The following UNC13B variants were observed in gnomAD, a reference collection of about 807,000 sequenced individuals.
UNC13B encodes the protein unc-13 homolog B.
Under a neutral mutation model 211.0 loss-of-function variants are expected in UNC13B, and 144 were observed. That is an observed-to-expected ratio of 0.68 (90% CI 0.60 to 0.78). UNC13B has a LOEUF of 0.78. Ranked by LOEUF, UNC13B falls within the 30% of genes least tolerant of loss-of-function variation. The pLI, the probability that UNC13B is intolerant of heterozygous loss-of-function variation, is 0.00. For synonymous variants in UNC13B, 709 were observed against 725.8 expected (o/e 0.98, Z 0.37); for missense variants, 1,777 against 2,002.0 (o/e 0.89, Z 2.14).
At chr9:35,391,560 T>A (rs1160893098) in intron 26 of UNC13B, among the ~76,000 whole-genome samples, 1 of 152,096 alleles carries the variant, frequency 6.6e-6, no homozygotes, top group African/African-American at 2.4e-5. Flanking sequence ...CTGTGTTACA[T>A]TTGAGCCAGC....
chr9:35,335,759 G>A (rs974859928), intron 11 of UNC13B, among the ~76,000 whole-genome samples: 6 of 150,880 alleles, frequency 4.0e-5, no homozygotes, highest in African/African-American at 1.2e-4. Context: ...GCACAATCAC[G>A]GCTCACTGTA....
chr9:35,384,314 G>A lies in UNC13B; in HGVS notation c.10875G>A (p.Arg3625=), dbSNP rs1282131403. Residue 3625 remains arginine (R), a splice_region_variant and synonymous_variant, in exon 22 of 40, where the codon AGG becomes AGA. Transcript: ENST00000635942. ...TGAGGATCGACCTCTCTACATACAG[G>A]GTGAGTGAAGACACGGCTGTGGGCA... is the stretch of plus-strand genomic sequence containing the variant. ...NSLRIDLSTY[R]NNFPAGSPER... is the part of the protein sequence containing the mutation. The A allele has an allele frequency of 1.2e-6, 2 of 1,613,456 alleles. No homozygotes were observed. The highest frequency in any genetic ancestry group is 3.3e-5 in the Admixed American group (2 of 60,000).
intron 1 of UNC13B, among the ~76,000 whole-genome samples, chr9:35,227,498 T>C (rs545054341): frequency 6.6e-5 from 10 of 152,322 alleles, no homozygotes; most frequent in African/African-American, 2.4e-4. Flanking sequence ...TTCTTTCCTG[T>C]GTAGTTCTCT....
chr9:35,212,299 G>T (rs111366413), intron 1 of UNC13B, among the ~76,000 whole-genome samples: 1 of 152,158 alleles, frequency 6.6e-6, no homozygotes, highest in East Asian at 1.9e-4. Context: ...TAGGCCAGGC[G>T]CACTGGCTCA....
chr9:35,257,610 A>AAAAAAAAAAT, intron 6 of UNC13B, among the ~76,000 whole-genome samples: 1 of 140,514 alleles, frequency 7.1e-6, no homozygotes, highest in African/African-American at 2.5e-5. Flanking sequence ...AAAAAAAAAA[A>AAAAAAAAAAT]GATGTTTTGA....
In UNC13B at chr9:35,375,183, T is replaced by C. The variant is rs530782194; in HGVS notation, c.9597T>C (p.Ser3199=). ...CTTCTGCAATGGCTACACGCACTTC[T>C]CTTAAGGACGAAGAGCTGGTAAGTG... ...GITSAMATRT[S]LKDEELKSHV... is the part of the protein sequence containing the mutation. Residue 3199 remains serine (S), a synonymous_variant, in exon 14 of 40, where the codon TCT becomes TCC. Coordinates refer to ENST00000635942, the MANE Select transcript of UNC13B (RefSeq NM_001371189.2). The C allele has an allele frequency of 3.2e-4, 524 of 1,614,158 alleles. 12 individuals are homozygous for C. The South Asian group carries it at 5.5e-3, about 17-fold the overall frequency.
At chr9:35,245,298 G>A (rs916010175) in intron 6 of UNC13B, among the ~76,000 whole-genome samples, 1 of 150,648 alleles carries the variant, frequency 6.6e-6, no homozygotes, top group African/African-American at 2.4e-5. Context: ...ATGGTTCTTG[G>A]TCTGTGGTTC....
intron 6 of UNC13B, among the ~76,000 whole-genome samples, chr9:35,245,699 T>C (rs13293647): frequency 6.6e-6 from 1 of 151,746 alleles, no homozygotes; most frequent in Non-Finnish European, 1.5e-5. Context: ...TTTATGGCTG[T>C]ATAGTATTCC....
intron 7 of UNC13B, among the ~76,000 whole-genome samples, chr9:35,292,021 C>T (rs1829123650): frequency 6.6e-6 from 1 of 152,124 alleles, no homozygotes; most frequent in South Asian, 2.1e-4. Flanking sequence ...TGACCTCAAG[C>T]ATAAATTGCA....
chr9:35,244,887 A>G (rs1305244477), intron 6 of UNC13B, among the ~76,000 whole-genome samples: 2 of 152,152 alleles, frequency 1.3e-5, no homozygotes, highest in South Asian at 4.1e-4. Context: ...GGGACAAGCA[A>G]CATCTACTCT....
chr9:35,201,415 A>G (rs1442330890), intron 1 of UNC13B, among the ~76,000 whole-genome samples: 1 of 152,208 alleles, frequency 6.6e-6, no homozygotes, highest in African/African-American at 2.4e-5. Flanking sequence ...GAATGGTACC[A>G]GCTTCTCTTT....
At chr9:35,388,102 T>C (rs1835297281) in intron 24 of UNC13B, among the ~76,000 whole-genome samples, 1 of 151,740 alleles carries the variant, frequency 6.6e-6, no homozygotes, top group South Asian at 2.1e-4. Flanking sequence ...TGTATGAGCT[T>C]GTTAATTTAA....
At position 35,307,160 on chromosome 9, in the gene UNC13B, A is replaced by G. The variant is rs747246963; in HGVS notation, c.7756A>G (p.Lys2586Glu). The change falls in exon 9 of 40, where the codon AAA becomes GAA. Residue 2586 changes from lysine (K) to glutamate (E), a missense_variant. Coordinates refer to ENST00000635942, the MANE Select transcript of UNC13B (RefSeq NM_001371189.2). ...PESDILTDDPKLTTKMEDNNT... is the reference protein window; with the variant it reads ...PESDILTDDPELTTKMEDNNT... ...ATCAGATATCTTGACAGATGATCCTAAACTAACAACCAAAATGGAAGACAA... is the reference window on the plus strand; with the variant it reads ...ATCAGATATCTTGACAGATGATCCTGAACTAACAACCAAAATGGAAGACAA... 1 of 398,916 alleles carries G rather than the reference A, an allele frequency of 2.5e-6. No homozygotes were observed. The highest frequency in any genetic ancestry group is 4.4e-6 in the Non-Finnish European group (1 of 226,074). The allele number at this position is 398,916 out of a possible 1,614,324, so 24.7% of individuals were successfully genotyped here. A position where few individuals can be genotyped will look rare whatever the true frequency, so the allele number is the denominator to read the frequency against.
intron 11 of UNC13B, among the ~76,000 whole-genome samples, chr9:35,335,899 GT>G (rs1279256395): frequency 6.6e-6 from 1 of 151,924 alleles, no homozygotes; most frequent in Non-Finnish European, 1.5e-5. Flanking sequence ...AGAGATGGGG[GT>G]CCCCCTATGT....
At position 35,399,150 on chromosome 9, in the gene UNC13B, T is replaced by C; in HGVS notation, c.12075-11T>C. The C allele has an allele frequency of 6.2e-7, 1 of 1,614,204 alleles. No individual in the cohort carries two copies. The highest frequency in any genetic ancestry group is 1.1e-5 in the South Asian group (1 of 91,086). On this transcript the variant is annotated splice_polypyrimidine_tract_variant and intron_variant, in intron 33 of 39. Transcript: ENST00000635942. ...TCTCACCCTGGTCTCACCTGTTGCC[T>C]GGACTTGCAGCCTCACCCTCTTTGC...
chr9:35,245,978 G>T (rs1040500023), intron 6 of UNC13B, among the ~76,000 whole-genome samples: 1 of 152,136 alleles, frequency 6.6e-6, no homozygotes, highest in Non-Finnish European at 1.5e-5. Context: ...CAGTGTAAAA[G>T]TGTTCCTATT....
chr9:35,367,508 T>C (rs1469015655), intron 12 of UNC13B, among the ~76,000 whole-genome samples: 1 of 152,162 alleles, frequency 6.6e-6, no homozygotes, highest in Non-Finnish European at 1.5e-5. Flanking sequence ...TTTGTTACAA[T>C]CCACTTACAC....
chr9:35,284,494 T>C (rs77276191), intron 7 of UNC13B, among the ~76,000 whole-genome samples: 9,268 of 152,288 alleles, frequency 0.061, 439 homozygotes, highest in African/African-American at 0.13. Flanking sequence ...CTTTCTAAAA[T>C]ATAACCTACT....
chr9:35,210,685 G>A (rs144398844), intron 1 of UNC13B, among the ~76,000 whole-genome samples: 12 of 151,846 alleles, frequency 7.9e-5, no homozygotes, highest in Non-Finnish European at 1.5e-4. Flanking sequence ...CACCATGCCC[G>A]GCTAATTTTT....
Sources: gnomAD v4.1 joint callset for allele counts (sites outside exome capture counted in the v4.1 genomes callset) on GRCh38, gnomAD v4.1.1 for gene constraint, MANE v1.5 for transcripts, NCBI Gene and HGNC (gene_info 2026-07-23, HGNC 2026-07-21) for gene names.